Variants in RPTOR observed in about 807,000 individuals in gnomAD.
RPTOR encodes regulatory-associated protein of mTOR.
Under a neutral mutation model 169.9 loss-of-function variants are expected in RPTOR, and 21 were observed. The observed-to-expected ratio is 0.12, with a 90% CI of 0.09 to 0.18. The LOEUF is 0.18. Ranked by LOEUF, RPTOR falls within the 10% of genes least tolerant of loss-of-function variation. The pLI is 1.00. For synonymous variants in RPTOR, 732 were observed against 753.2 expected, an observed-to-expected ratio of 0.97 and a Z score of 0.46; for missense variants, 1,133 against 1,855.9, an observed-to-expected ratio of 0.61 and a Z score of 7.16.
At chr17:80,781,232 T>C (rs1274385196) in intron 6 of RPTOR, among the ~76,000 whole-genome samples, 1 of 152,240 alleles carries the variant, frequency 6.6e-6, no homozygotes, top group Non-Finnish European at 1.5e-5. Context: ...TGGAGGACTG[T>C]GCATTTCAGT....
intron 21 of RPTOR, among the ~76,000 whole-genome samples, chr17:80,922,264 G>T (rs1201951208): frequency 6.6e-6 from 1 of 152,212 alleles, no homozygotes; most frequent in Admixed American, 6.5e-5. Flanking sequence ...GCCTCAACTC[G>T]CAGCCTCTGA....
chr17:80,741,844 T>C (rs375858183), intron 5 of RPTOR, among the ~76,000 whole-genome samples: 5 of 151,902 alleles, frequency 3.3e-5, no homozygotes, highest in Admixed American at 1.3e-4. Flanking sequence ...CGGTGGTGTG[T>C]GTAGAGTCTG....
intron 2 of RPTOR, among the ~76,000 whole-genome samples, chr17:80,637,724 G>A (rs186564735): frequency 6.6e-6 from 1 of 152,352 alleles, no homozygotes; most frequent in Admixed American, 6.5e-5. Context: ...TGTATCAGAA[G>A]AGGTGAGAAT....
At chr17:80,573,653 C>A (rs898936279) in intron 1 of RPTOR, among the ~76,000 whole-genome samples, 5 of 152,196 alleles carry the variant, frequency 3.3e-5, no homozygotes, top group African/African-American at 1.2e-4. Flanking sequence ...GGAGCCCTGG[C>A]AGCCATGCAC....
At position 80,560,364 on chromosome 17, in the gene RPTOR, C is replaced by A. The variant is rs943922392; in HGVS notation, c.162+14573C>A. On this transcript the variant is annotated intron_variant, in intron 1 of 33. Transcript: ENST00000306801. ...TAGAATTTAGTCATTCAGCTACTAT[C>A]ATCGAGCCCCTTCTCTGTGCTGGGC... Among the ~76,000 whole-genome samples the A allele has an allele frequency of 2.0e-5, 3 of 152,210 alleles. No homozygotes were observed. In the East Asian group the frequency reaches 5.8e-4, roughly 29 times the overall value.
At chr17:80,882,731 C>T (rs2068199507) in intron 14 of RPTOR, among the ~76,000 whole-genome samples, 1 of 152,156 alleles carries the variant, frequency 6.6e-6, no homozygotes, top group South Asian at 2.1e-4. Flanking sequence ...CACGTGTTGG[C>T]ACATCTATAG....
intron 9 of RPTOR, among the ~76,000 whole-genome samples, chr17:80,831,175 C>T (rs1340840204): frequency 6.6e-6 from 1 of 152,206 alleles, no homozygotes; most frequent in Non-Finnish European, 1.5e-5. Context: ...GAGGCAAGCA[C>T]AGAGGTTTGG....
chr17:80,873,865 G>T (rs369986012), intron 13 of RPTOR, among the ~76,000 whole-genome samples: 1 of 152,236 alleles, frequency 6.6e-6, no homozygotes, highest in Non-Finnish European at 1.5e-5. Context: ...GGGACAGTGC[G>T]TCAGGCCCGG....
At chr17:80,930,342 C>CCTCAG (rs754803049) in intron 24 of RPTOR, among the ~76,000 whole-genome samples, 3,938 of 40,510 alleles carry the variant, frequency 0.097, 4 homozygotes, top group African/African-American at 0.12. Context: ...CTCAGCTCAT[C>CCTCAG]CTCAGCTCAT....
At chr17:80,757,121 A>C (rs933077051) in intron 6 of RPTOR, among the ~76,000 whole-genome samples, 5 of 152,212 alleles carry the variant, frequency 3.3e-5, no homozygotes, top group African/African-American at 1.2e-4. Flanking sequence ...CAGGAGATGC[A>C]GAGAAGGGAA....
intron 3 of RPTOR, among the ~76,000 whole-genome samples, chr17:80,650,397 G>A (rs1199279957): frequency 1.3e-5 from 2 of 152,330 alleles, no homozygotes; most frequent in African/African-American, 2.4e-5. Flanking sequence ...TCGTAGGTCC[G>A]CAGAGTCGTG....
chr17:80,771,735 T>C (rs2066845504), intron 6 of RPTOR, among the ~76,000 whole-genome samples: 1 of 152,264 alleles, frequency 6.6e-6, no homozygotes, highest in South Asian at 2.1e-4. Flanking sequence ...AGCTGGCATC[T>C]CCCAGGATTT....
intron 4 of RPTOR, among the ~76,000 whole-genome samples, chr17:80,729,613 A>G (rs899339307): frequency 3.3e-5 from 5 of 152,238 alleles, no homozygotes; most frequent in African/African-American, 1.2e-4. Context: ...AAACCCACTT[A>G]TACCCCTTAA....
At chr17:80,962,408 G>C in intron 31 of RPTOR, 53 bp from the exon 32 acceptor site, 1 of 1,469,324 alleles carries the variant, frequency 6.8e-7, no homozygotes, top group Non-Finnish European at 9.5e-7. Context: ...CCCCTGGCCA[G>C]GCCCCTCATG....
At chr17:80,551,155 C>T (rs1185101760) in intron 1 of RPTOR, among the ~76,000 whole-genome samples, 3 of 152,158 alleles carry the variant, frequency 2.0e-5, no homozygotes, top group African/African-American at 7.2e-5. Flanking sequence ...TCCCAGAGTG[C>T]TGGATTACAG....
intron 9 of RPTOR, among the ~76,000 whole-genome samples, chr17:80,832,989 G>A (rs1057288705): frequency 2.6e-5 from 4 of 152,278 alleles, no homozygotes; most frequent in African/African-American, 4.8e-5. Flanking sequence ...ACTCAGAGCC[G>A]GCTTTCTGTT....
intron 6 of RPTOR, among the ~76,000 whole-genome samples, chr17:80,755,494 T>C (rs557493596): frequency 2.6e-5 from 4 of 152,018 alleles, no homozygotes; most frequent in African/African-American, 9.6e-5. Flanking sequence ...CCTAATGCTT[T>C]GGGAAGGTGA....
intron 5 of RPTOR, among the ~76,000 whole-genome samples, chr17:80,750,468 C>T (rs1004839021): frequency 2.0e-5 from 3 of 152,152 alleles, no homozygotes; most frequent in Non-Finnish European, 2.9e-5. Context: ...CCCTCCCAGC[C>T]CCTTTCCGGA....
Position 80,964,257 on chromosome 17 carries a change from T to C in RPTOR, c.3940-5T>C, listed in dbSNP as rs2144110214. 6.2e-7 allele frequency: 1 copy of C among 1,603,338 alleles called. No individual in the cohort carries two copies. The highest frequency in any genetic ancestry group is 8.5e-7 in the Non-Finnish European group (1 of 1,177,776). On this transcript the variant is annotated splice_region_variant and splice_polypyrimidine_tract_variant and intron_variant, in intron 33 of 33. Coordinates refer to ENST00000306801, the MANE Select transcript of RPTOR (RefSeq NM_020761.3). Reference sequence around the variant, plus strand: ...CCCCTGCTCACCCCTTCTCTCTCCTTGCAGCCTCACCTGGCCGTGGGAAGC... The same window carrying C: ...CCCCTGCTCACCCCTTCTCTCTCCTCGCAGCCTCACCTGGCCGTGGGAAGC...
Sources: gnomAD v4.1 joint callset for allele counts (sites outside exome capture counted in the v4.1 genomes callset) on GRCh38, gnomAD v4.1.1 for gene constraint, MANE v1.5 for transcripts, NCBI Gene and HGNC (gene_info 2026-07-23, HGNC 2026-07-21) for gene names.